The following PCYT1A variants were observed in gnomAD, a reference collection of about 807,000 sequenced individuals.
PCYT1A encodes choline-phosphate cytidylyltransferase A.
Under a neutral mutation model 43.7 loss-of-function variants are expected in PCYT1A, and 25 were observed. The ratio of observed to expected loss-of-function variants is 0.57; its 90% confidence interval spans 0.42 to 0.80. PCYT1A has a LOEUF of 0.80. Ranked by LOEUF, PCYT1A falls within the 30% of genes least tolerant of loss-of-function variation. The pLI, the probability that PCYT1A is intolerant of heterozygous loss-of-function variation, is 0.00. For synonymous variants in PCYT1A, 172 were observed against 170.7 expected (o/e 1.01, Z -0.06); for missense variants, 421 against 474.2 (o/e 0.89, Z 1.04).
chr3:196,243,581 C>T (rs1005891216), intron 5 of PCYT1A, among the ~76,000 whole-genome samples: 2 of 152,090 alleles, frequency 1.3e-5, no homozygotes, highest in East Asian at 3.9e-4. Context: ...CCTCTGATGC[C>T]GAGCGGAAGC....
chr3:196,240,320 C>T (rs1011833314), intron 7 of PCYT1A, among the ~76,000 whole-genome samples: 2 of 152,100 alleles, frequency 1.3e-5, no homozygotes, highest in African/African-American at 4.8e-5. Flanking sequence ...GTTGGTCTTA[C>T]CAACTTTGCT....
At position 196,237,263 on chromosome 3, in the gene PCYT1A, C is replaced by A. The variant is rs569815179; in HGVS notation, c.*1425G>T. On this transcript the variant is annotated 3_prime_UTR_variant, in exon 9 of 9. Transcript: ENST00000431016. ...TGATGGGTGATGATCTGCTAGGCCG[C>A]GTAGCTAAGCAGCTAAGGAGACAGG... The A allele has an allele frequency of 2.0e-5, 3 of 152,260 alleles. No individual in the cohort carries two copies. Among genetic ancestry groups the A allele is most frequent in the Non-Finnish European group, 4.4e-5 (3 of 68,074 alleles). The allele number at this position is 152,260 out of a possible 1,614,324, so 9.4% of individuals were successfully genotyped here. A position where few individuals can be genotyped will look rare whatever the true frequency, so the allele number is the denominator to read the frequency against.
At chr3:196,279,286 C>CA (rs532624855) in intron 1 of PCYT1A, among the ~76,000 whole-genome samples, 44,256 of 108,328 alleles carry the variant, frequency 0.41, 8,262 homozygotes, top group East Asian at 0.76. Context: ...GAAACTCTAT[C>CA]AAAAAAAAAA....
At chr3:196,285,433 T>C (rs539491438) in intron 1 of PCYT1A, among the ~76,000 whole-genome samples, 48 of 152,080 alleles carry the variant, frequency 3.2e-4, no homozygotes, top group African/African-American at 1.1e-3. Flanking sequence ...CACTCCAGCC[T>C]GGGCAACAGA....
rs973319182 is a variant in PCYT1A at position 196,282,211 on chromosome 3, G to T, written c.-11+5404C>A. On this transcript the variant is annotated intron_variant, in intron 1 of 8. Coordinates refer to ENST00000431016, the MANE Select transcript of PCYT1A (RefSeq NM_001312673.2). The surrounding 1 kb of genome is among the most constrained non-coding windows in gnomAD (Gnocchi z 4.3). ...GTGCCAGACCCTGGGTTAGCCACTG[G>T]CACACATAATAAAGCTTATACTTCT... Among the ~76,000 whole-genome samples, 1 of 152,160 alleles carries T rather than the reference G, an allele frequency of 6.6e-6. No homozygotes were observed. The highest frequency in any genetic ancestry group is 1.5e-5 in the Non-Finnish European group (1 of 68,036).
In PCYT1A at chr3:196,239,712, C is replaced by A; in HGVS notation, c.732G>T (p.Glu244Asp). 1 of 1,608,664 alleles carries A rather than the reference C, an allele frequency of 6.2e-7. No individual in the cohort carries two copies. The highest frequency in any genetic ancestry group is 8.5e-7 in the Non-Finnish European group (1 of 1,175,062). The change falls in exon 8 of 9, where the codon GAG becomes GAT. Residue 244 changes from glutamate to aspartate, a missense_variant. By Grantham distance (45) the Glu-to-Asp change is conservative (BLOSUM62 2). This residue lies in a region of PCYT1A where 174 missense variants were observed against 270.7 expected (regional missense o/e 0.64). Transcript: ENST00000431016. ...FINEKKYHLQ[E>D]RVDKVKKKVK... is the part of the protein sequence containing the mutation. ...CTTTCTTCTTTACTTTGTCAACCCTCTCCTGCAAGTGGTATTTCTTCTCCT... is the reference window on the plus strand; with the variant it reads ...CTTTCTTCTTTACTTTGTCAACCCTATCCTGCAAGTGGTATTTCTTCTCCT...
intron 3 of PCYT1A, among the ~76,000 whole-genome samples, chr3:196,249,087 T>C (rs1724666394): frequency 6.6e-6 from 1 of 152,010 alleles, no homozygotes; most frequent in Admixed American, 6.6e-5. Context: ...CTTTAGGTGT[T>C]CTCTGGGTAT....
chr3:196,245,126 G>A (rs1395746454), intron 5 of PCYT1A, among the ~76,000 whole-genome samples: 1 of 121,698 alleles, frequency 8.2e-6, no homozygotes, highest in East Asian at 2.6e-4. Flanking sequence ...TTATCCTCAG[G>A]ATCTATCATT....
chr3:196,278,635 A>G (rs1160848085), intron 1 of PCYT1A, among the ~76,000 whole-genome samples: 1 of 152,270 alleles, frequency 6.6e-6, no homozygotes, highest in African/African-American at 2.4e-5. Flanking sequence ...GGATGGGCCA[A>G]CACTTCCTGT....
chr3:196,266,831 C>A (rs2108776254), intron 2 of PCYT1A, among the ~76,000 whole-genome samples: 1 of 151,352 alleles, frequency 6.6e-6, no homozygotes, highest in South Asian at 2.1e-4. Flanking sequence ...AGGCCGAGAT[C>A]ACACCGCTGC....
chr3:196,248,256 A>C lies in PCYT1A; in HGVS notation c.285T>G (p.Ala95=). ...GGAAAAGGTTCTTCGCTTGCATCAG[A>C]GCTCGGGCGTGACCAGAGTGAAATA... is the stretch of plus-strand genomic sequence containing the variant. The part of the protein sequence containing the change: ...FDLFHSGHAR[A]LMQAKNLFPN... The change falls in exon 4 of 9, where the codon GCT becomes GCG. Residue 95 remains alanine (A), a synonymous_variant. Transcript: ENST00000431016. 1 of 1,613,710 alleles carries C rather than the reference A, an allele frequency of 6.2e-7. No homozygotes were observed. The highest frequency in any genetic ancestry group is 1.1e-5 in the South Asian group (1 of 91,070).
chr3:196,286,385 T>C (rs763856875), intron 1 of PCYT1A, among the ~76,000 whole-genome samples: 2 of 152,226 alleles, frequency 1.3e-5, no homozygotes, highest in Non-Finnish European at 2.9e-5. Context: ...TCCAAAGAGT[T>C]CCCTATTCAT....
rs907412641 is a variant in PCYT1A, at chr3:196,234,949, A to T, written c.*3739T>A. 1 of 152,248 alleles carries T rather than the reference A, an allele frequency of 6.6e-6. No individual in the cohort carries two copies. Among genetic ancestry groups the T allele is most frequent in the Admixed American group, 6.5e-5 (1 of 15,282 alleles). 9.4% of individuals were successfully genotyped at this position (152,248 alleles called of 1,614,324 possible). On this transcript the variant is annotated 3_prime_UTR_variant, in exon 9 of 9. Coordinates refer to ENST00000431016, the MANE Select transcript of PCYT1A (RefSeq NM_001312673.2). The stretch of plus-strand genomic sequence containing the variant: ...TACTTATATTGGTAAGCTTAAAAAA[A>T]TATCATCAGTTAAAAACATTAAGGG...
intron 2 of PCYT1A, among the ~76,000 whole-genome samples, chr3:196,262,538 T>G (rs1408819934): frequency 6.6e-6 from 1 of 152,166 alleles, no homozygotes; most frequent in African/African-American, 2.4e-5. Flanking sequence ...ACTTTCCAAA[T>G]GCATGCATCT....
chr3:196,274,606 C>G (rs1481387395), intron 1 of PCYT1A, among the ~76,000 whole-genome samples: 1 of 152,314 alleles, frequency 6.6e-6, no homozygotes, highest in South Asian at 2.1e-4. Context: ...ATCTTCAGAA[C>G]AGGTGGAAAA....
chr3:196,258,085 G>A (rs61442465), intron 2 of PCYT1A, among the ~76,000 whole-genome samples, 198 bp from the exon 3 acceptor site: 55,727 of 151,866 alleles, frequency 0.37, 10,938 homozygotes, highest in East Asian at 0.81. Flanking sequence ...AGGAGATTGA[G>A]ACAATCCTGG....
intron 1 of PCYT1A, among the ~76,000 whole-genome samples, chr3:196,281,843 A>T (rs1432002918): frequency 5.3e-5 from 8 of 152,262 alleles, no homozygotes; most frequent in Admixed American, 5.2e-4. Context: ...GACTACAGGC[A>T]CATGCCACTA....
rs1426198220 is a variant in PCYT1A at position 196,235,941 on chromosome 3, A to G, written c.*2747T>C. ...CCACATTTACCCCAAAGTATCTAAC[A>G]GGCCACACTATAAAAGATTTTAGCT... On this transcript the variant is annotated 3_prime_UTR_variant, in exon 9 of 9. Coordinates refer to ENST00000431016, the MANE Select transcript of PCYT1A (RefSeq NM_001312673.2). The surrounding 1 kb of genome is among the most constrained non-coding windows in gnomAD (Gnocchi z 4.3). 6.6e-6 allele frequency: 1 copy of G among 152,276 alleles called. No homozygotes were observed. The highest frequency in any genetic ancestry group is 1.5e-5 in the Non-Finnish European group (1 of 68,060). The allele number at this position is 152,276 out of a possible 1,614,324, so 9.4% of individuals were successfully genotyped here. A position where few individuals can be genotyped will look rare whatever the true frequency, so the allele number is the denominator to read the frequency against.
chr3:196,283,965 T>C (rs1367469679), intron 1 of PCYT1A, among the ~76,000 whole-genome samples: 2 of 152,244 alleles, frequency 1.3e-5, no homozygotes, highest in Non-Finnish European at 2.9e-5. Flanking sequence ...GCCCTGACTT[T>C]AGGGTTTCTC....
Sources: gnomAD v4.1 joint callset for allele counts (sites outside exome capture counted in the v4.1 genomes callset) on GRCh38, gnomAD v4.1.1 for gene constraint, gnomAD v4.1.1 regional missense constraint, Gnocchi (gnomAD v3.1) non-coding constraint, MANE v1.5 for transcripts, NCBI Gene and HGNC (gene_info 2026-07-23, HGNC 2026-07-21) for gene names.